The following LINGO2 variants were observed in gnomAD, a reference collection of about 807,000 sequenced individuals.
The protein encoded by LINGO2 is leucine-rich repeat and immunoglobulin-like domain-containing nogo receptor-interacting protein 2.
Under a neutral mutation model 30.6 loss-of-function variants are expected in LINGO2, and 14 were observed. That is an observed-to-expected ratio of 0.46 (90% CI 0.30 to 0.72). The LOEUF is 0.72. Among genes scored for constraint, LINGO2 ranks in the 30% least tolerant of loss-of-function variants. The probability of loss-of-function intolerance (pLI) is 0.07; values close to 1 mark genes in which losing one functional copy is unlikely to be tolerated. For missense variants in LINGO2, 729 were observed against 751.7 expected (o/e 0.97, Z 0.35); for synonymous variants, 317 against 288.5 (o/e 1.10, Z -1.00).
At chr9:28,884,955 A>AT in the LINGO2 span, among the ~76,000 whole-genome samples, 6 of 28,488 alleles carry the variant, frequency 2.1e-4, no homozygotes, top group African/African-American at 6.6e-4. Context: ...TATAATATAT[A>AT]ATATTTTATA....
At chr9:28,680,269 T>C in the LINGO2 span, among the ~76,000 whole-genome samples, 1 of 152,084 alleles carries the variant, frequency 6.6e-6, no homozygotes, top group Non-Finnish European at 1.5e-5. Context: ...CTCAGGCTCA[T>C]CAATGCTGTT....
At chr9:28,216,030 G>A (rs1204777490) in intron 4 of LINGO2, among the ~76,000 whole-genome samples, 1 of 151,820 alleles carries the variant, frequency 6.6e-6, no homozygotes, top group Non-Finnish European at 1.5e-5. Context: ...TGGCACTTCT[G>A]CAATTGACAT....
chr9:28,383,781 T>C (rs1218121376), intron 2 of LINGO2, among the ~76,000 whole-genome samples: 1 of 152,036 alleles, frequency 6.6e-6, no homozygotes, highest in Non-Finnish European at 1.5e-5. Context: ...CCATGTAATA[T>C]TGTGTAAAAT....
intron 1 of LINGO2, among the ~76,000 whole-genome samples, chr9:28,555,610 C>A (rs1024066070): frequency 1.3e-5 from 2 of 151,952 alleles, no homozygotes; most frequent in African/African-American, 4.8e-5. Flanking sequence ...CTATTCCAAT[C>A]AATAGAAAAA....
At chr9:28,899,007 A>G in the LINGO2 span, among the ~76,000 whole-genome samples, 3 of 152,118 alleles carry the variant, frequency 2.0e-5, 1 homozygote, top group South Asian at 6.2e-4. Context: ...GTGGAGTAGG[A>G]CCTCCCAGTG....
At chr9:28,863,348 C>G in the LINGO2 span, among the ~76,000 whole-genome samples, 1 of 151,450 alleles carries the variant, frequency 6.6e-6, no homozygotes, top group Non-Finnish European at 1.5e-5. Flanking sequence ...TTTTTTTAAC[C>G]AAGAAATATT....
At chr9:28,470,477 T>C (rs1016271912) in intron 2 of LINGO2, among the ~76,000 whole-genome samples, 1 of 152,082 alleles carries the variant, frequency 6.6e-6, no homozygotes, top group African/African-American at 2.4e-5. Flanking sequence ...ACTGGGAAAG[T>C]GATGGAGCTG....
chr9:28,306,902 A>G (rs1051192893), intron 3 of LINGO2, among the ~76,000 whole-genome samples: 1 of 152,210 alleles, frequency 6.6e-6, no homozygotes, highest in Admixed American at 6.5e-5. Context: ...CTCTGAATAG[A>G]CCAATAACAA....
chr9:29,116,904 T>C, the LINGO2 span, among the ~76,000 whole-genome samples: 1 of 152,150 alleles, frequency 6.6e-6, no homozygotes, highest in Non-Finnish European at 1.5e-5. Flanking sequence ...CATAATGCCA[T>C]GTCAACAGAA....
At chr9:28,038,480 T>A (rs531617295) in intron 4 of LINGO2, among the ~76,000 whole-genome samples, 1 of 151,900 alleles carries the variant, frequency 6.6e-6, no homozygotes, top group Admixed American at 6.6e-5. Flanking sequence ...GATCACGAGG[T>A]CAGGAGATCG....
At chr9:28,877,155 T>C in the LINGO2 span, among the ~76,000 whole-genome samples, 1 of 151,540 alleles carries the variant, frequency 6.6e-6, no homozygotes, top group Admixed American at 6.6e-5. Context: ...ATATTAGCCC[T>C]TTGTCAGATG....
chr9:28,832,354 T>A, the LINGO2 span, among the ~76,000 whole-genome samples: 3 of 152,324 alleles, frequency 2.0e-5, no homozygotes, highest in African/African-American at 7.2e-5. Context: ...TACAAATACC[T>A]CATACCACGT....
At chr9:28,002,106 G>T (rs906769911) in intron 5 of LINGO2, among the ~76,000 whole-genome samples, 1 of 152,200 alleles carries the variant, frequency 6.6e-6, no homozygotes, top group African/African-American at 2.4e-5. Flanking sequence ...CAATCAGATT[G>T]AATATTACAG....
chr9:29,022,891 T>C, the LINGO2 span, among the ~76,000 whole-genome samples: 5 of 152,000 alleles, frequency 3.3e-5, no homozygotes, highest in African/African-American at 1.2e-4. Context: ...GCATGTTATC[T>C]GGTATTTGGT....
chr9:28,086,404 A>T (rs1292179379), intron 4 of LINGO2, among the ~76,000 whole-genome samples: 1 of 152,136 alleles, frequency 6.6e-6, no homozygotes, highest in East Asian at 1.9e-4. Flanking sequence ...TTACAAGATA[A>T]GTAGCCAATA....
At chr9:28,409,426 T>C (rs192446919) in intron 2 of LINGO2, among the ~76,000 whole-genome samples, 1 of 152,224 alleles carries the variant, frequency 6.6e-6, no homozygotes, top group Admixed American at 6.6e-5. Context: ...TATCTTGAAC[T>C]TTGCTGTGGA....
chr9:28,019,206 C>T (rs1280775546), intron 4 of LINGO2, among the ~76,000 whole-genome samples: 2 of 152,024 alleles, frequency 1.3e-5, no homozygotes, highest in African/African-American at 4.8e-5. Context: ...ATAAACTGCT[C>T]TCCAAACCCG....
chr9:29,143,888 T>C, the LINGO2 span, among the ~76,000 whole-genome samples: 1 of 152,176 alleles, frequency 6.6e-6, no homozygotes, highest in South Asian at 2.1e-4. Flanking sequence ...TCTTCTAGGA[T>C]TTTTATAGTT....
intron 5 of LINGO2, among the ~76,000 whole-genome samples, chr9:27,968,713 T>C (rs1370130087): frequency 6.6e-6 from 1 of 151,934 alleles, no homozygotes; most frequent in East Asian, 1.9e-4. Context: ...AACTCTGTTC[T>C]GAATGAATAA....
Sources: gnomAD v4.1 joint callset for allele counts (sites outside exome capture counted in the v4.1 genomes callset) on GRCh38, gnomAD v4.1.1 for gene constraint, MANE v1.5 for transcripts, NCBI Gene and HGNC (gene_info 2026-07-23, HGNC 2026-07-21) for gene names.